Variants in PHF5A observed in about 807,000 individuals in gnomAD.
The protein encoded by PHF5A is PHD finger protein 5A, also known as PHD finger-like domain-containing protein 5A.
For synonymous variants in PHF5A, 52 were observed against 46.0 expected, an observed-to-expected ratio of 1.13 and a Z score of -0.52; for missense variants, 24 against 140.6, an observed-to-expected ratio of 0.17 and a Z score of 4.19.
At chr22:41,468,472 ACCC>A in intron 1 of PHF5A, 127 bp downstream of exon 1, 4 of 1,076,660 alleles carry the variant, frequency 3.7e-6, no homozygotes, top group Non-Finnish European at 5.5e-6. Context: ...CTCCTACAAC[ACCC>A]CGCGCCTGAG....
rs1254741508 is a variant in PHF5A at position 41,467,595 on chromosome 22, A to G, written c.96T>C (p.Ile32=). Residue 32 remains isoleucine (I), a synonymous_variant, in exon 3 of 4, where the codon ATT becomes ATC. Coordinates refer to ENST00000216252, the MANE Select transcript of PHF5A (RefSeq NM_032758.4). ...TGCAGGGACGCACATAGGAGTCACA[A>G]ATCACACACTTGCCATCACCTGTAA... ...LCEKCDGKCV[I]CDSYVRPCTL... 6.2e-7 allele frequency: 1 copy of G among 1,614,178 alleles called. No individual in the cohort carries two copies.
intron 1 of PHF5A, chr22:41,468,383 C>T (rs1452268820): frequency 6.2e-6 from 4 of 647,738 alleles, no homozygotes; most frequent in East Asian, 2.8e-5. Context: ...TGGTTCAGAC[C>T]CCACCCCCCG....
intron 3 of PHF5A, among the ~76,000 whole-genome samples, chr22:41,463,356 C>T (rs376240560): frequency 3.3e-5 from 5 of 150,008 alleles, no homozygotes; most frequent in Non-Finnish European, 5.9e-5. Flanking sequence ...TTTGGAAAGC[C>T]GAGGCAGGCA....
intron 3 of PHF5A, among the ~76,000 whole-genome samples, chr22:41,462,774 A>G (rs1366093198): frequency 6.6e-6 from 1 of 152,178 alleles, no homozygotes; most frequent in African/African-American, 2.4e-5. Flanking sequence ...CAAGGTTTAC[A>G]AACTATCCTT....
intron 3 of PHF5A, among the ~76,000 whole-genome samples, chr22:41,465,527 G>A (rs1357336130): frequency 6.6e-6 from 1 of 152,096 alleles, no homozygotes; most frequent in Non-Finnish European, 1.5e-5. Context: ...ATCCAAGTGC[G>A]TGAAATGAGG....
At chr22:41,461,717 C>T (rs1327025775) in intron 3 of PHF5A, among the ~76,000 whole-genome samples, 1 of 151,954 alleles carries the variant, frequency 6.6e-6, no homozygotes, top group Non-Finnish European at 1.5e-5. Flanking sequence ...AGCTGGAGAG[C>T]AGTGACATGA....
chr22:41,468,461 G>T, intron 1 of PHF5A, 141 bp downstream of exon 1: 1 of 951,328 alleles, frequency 1.1e-6, no homozygotes, highest in Non-Finnish European at 1.6e-6. Context: ...AAACCTGCGC[G>T]CTCCTACAAC....
At chr22:41,468,451 A>C in intron 1 of PHF5A, 151 bp downstream of exon 1, 1 of 820,488 alleles carries the variant, frequency 1.2e-6, no homozygotes, top group Non-Finnish European at 1.9e-6. Flanking sequence ...CAGAGGCCAC[A>C]AACCTGCGCG....
rs1162871647 is a variant in PHF5A at position 41,467,737 on chromosome 22, C to G, written c.77-123G>C. The G allele has an allele frequency of 1.0e-5, 12 of 1,178,842 alleles. No homozygotes were observed. The Admixed American group carries it at 2.2e-4, about 22-fold the overall frequency. 73.0% of individuals were successfully genotyped at this position (1,178,842 alleles called of 1,614,324 possible). ...TCTCCTTTTGACAGTGACTTTAGGG[C>G]CCTCCTCTTGGCATCACAAAACTTG... On this transcript the variant is annotated intron_variant, in intron 2 of 3. Transcript: ENST00000216252.
chr22:41,467,690 A>C, intron 2 of PHF5A, 76 bp from the exon 3 acceptor site: 1 of 815,156 alleles, frequency 1.2e-6, no homozygotes, highest in Non-Finnish European at 1.8e-6. Flanking sequence ...GAAATATACT[A>C]GTCTCCTGGG....
chr22:41,468,531 C>T, intron 1 of PHF5A, 71 bp downstream of exon 1: 1 of 1,535,780 alleles, frequency 6.5e-7, no homozygotes, highest in Non-Finnish European at 9.0e-7. Flanking sequence ...AAGGAAGAGA[C>T]GGGAACCCCC....
intron 3 of PHF5A, among the ~76,000 whole-genome samples, chr22:41,462,115 T>C (rs1281747135): frequency 1.3e-5 from 2 of 152,198 alleles, no homozygotes; most frequent in Admixed American, 1.3e-4. Context: ...CAGGCTGCCC[T>C]GGCCATTTGA....
intron 2 of PHF5A, 96 bp downstream of exon 2, chr22:41,468,028 A>G: frequency 7.6e-7 from 1 of 1,316,062 alleles, no homozygotes; most frequent in Non-Finnish European, 1.1e-6. Context: ...ACTTCCAGGC[A>G]CATCTACTCA....
intron 3 of PHF5A, among the ~76,000 whole-genome samples, chr22:41,464,052 C>T (rs1191010163): frequency 3.3e-5 from 5 of 152,180 alleles, no homozygotes; most frequent in Admixed American, 2.0e-4. Context: ...AGCTAAGTAC[C>T]TTGCATATAT....
chr22:41,461,393 C>CT (rs11445364), intron 3 of PHF5A, among the ~76,000 whole-genome samples: 87,343 of 145,716 alleles, frequency 0.6, 29,189 homozygotes, highest in Non-Finnish European at 0.79. Flanking sequence ...CTATGAAACT[C>CT]TTTTTTTTTT....
At chr22:41,465,619 C>T (rs553300518) in intron 3 of PHF5A, among the ~76,000 whole-genome samples, 5 of 152,246 alleles carry the variant, frequency 3.3e-5, no homozygotes, top group South Asian at 2.1e-4. Context: ...TGATGGCTCA[C>T]GCCTGTAATC....
intron 3 of PHF5A, among the ~76,000 whole-genome samples, chr22:41,463,070 C>T (rs2037838018): frequency 6.6e-6 from 1 of 151,694 alleles, no homozygotes. Flanking sequence ...GATGGGGTTT[C>T]ACCATGTTGG....
At chr22:41,464,330 G>T (rs534964773) in intron 3 of PHF5A, among the ~76,000 whole-genome samples, 1 of 152,160 alleles carries the variant, frequency 6.6e-6, no homozygotes, top group Admixed American at 6.5e-5. Flanking sequence ...AAAGTTGCAG[G>T]AAGACAATAA....
At chr22:41,468,271 G>A in intron 1 of PHF5A, 124 bp from the exon 2 acceptor site, 5 of 858,676 alleles carry the variant, frequency 5.8e-6, no homozygotes, top group South Asian at 4.7e-5. Context: ...CCTGCGGATA[G>A]CCATTTTATC....
Sources: allele counts gnomAD v4.1 joint callset (sites outside exome capture counted in the v4.1 genomes callset), GRCh38; gene constraint gnomAD v4.1.1; transcripts MANE v1.5; gene names NCBI Gene and HGNC (gene_info 2026-07-23, HGNC 2026-07-21).